Variants in MORN1 observed in about 807,000 individuals in gnomAD.
MORN1 encodes MORN repeat-containing protein 1.
A neutral mutation model predicts 61.9 loss-of-function variants in MORN1; 67 were observed. That is an observed-to-expected ratio of 1.08 (90% CI 0.89 to 1.33). The LOEUF is 1.33. Ranked by LOEUF, MORN1 falls within the 40% of genes most tolerant of loss-of-function variation. MORN1 has a pLI of 0.00. For missense variants in MORN1, 752 were observed against 691.2 expected (o/e 1.09, Z -0.99); for synonymous variants, 301 against 292.0 (o/e 1.03, Z -0.31).
chr1:2,323,579 A>G (rs760432475), intron 13 of MORN1: 2 of 985,016 alleles, frequency 2.0e-6, no homozygotes, highest in Non-Finnish European at 2.4e-6. Flanking sequence ...GGGCGACTGG[A>G]GGAGGCCCCA....
Position 2,387,534 on chromosome 1 carries a change from A to G in MORN1, c.248-5T>C, listed in dbSNP as rs775577999. 2 of 1,602,178 alleles carry G rather than the reference A, an allele frequency of 1.2e-6. No individual in the cohort carries two copies. Among genetic ancestry groups the G allele is most frequent in the Middle Eastern group, 3.3e-4 (2 of 6,050 alleles). On this transcript the variant is annotated splice_region_variant and splice_polypyrimidine_tract_variant and intron_variant, in intron 3 of 13. Transcript: ENST00000378531. ...ACTGTCCAGAGAAGGTGTCTCCTGC[A>G]TGTGGACAAGGAGGAGGGGAGACAG...
chr1:2,372,421 G>A lies in MORN1; in HGVS notation c.745+60C>T, dbSNP rs965272981. Reference sequence around the variant, plus strand: ...TCTCGTCCGCATCTTCACTGCTTAAGAACCTGCTGCCTGTTTCTCTTTTGG... The same window carrying A: ...TCTCGTCCGCATCTTCACTGCTTAAAAACCTGCTGCCTGTTTCTCTTTTGG... On this transcript the variant is annotated intron_variant, in intron 8 of 13. Coordinates refer to ENST00000378531, the MANE Select transcript of MORN1 (RefSeq NM_024848.3). The surrounding 1 kb of genome is among the most constrained non-coding windows in gnomAD (Gnocchi z 5.4). 2.0e-5 allele frequency: 27 copies of A among 1,348,126 alleles called. 1 individual carries two copies. The Admixed American group carries it at 4.5e-4, about 22-fold the overall frequency. 83.5% of individuals were successfully genotyped at this position (1,348,126 alleles called of 1,614,324 possible).
chr1:2,339,398 C>T (rs995214505), intron 10 of MORN1, among the ~76,000 whole-genome samples: 6 of 152,222 alleles, frequency 3.9e-5, no homozygotes, highest in Non-Finnish European at 5.9e-5. Flanking sequence ...CTCCCTGAGT[C>T]GGGGCTGCAG....
intron 5 of MORN1, chr1:2,385,298 C>T: frequency 3.5e-6 from 2 of 572,392 alleles, no homozygotes; most frequent in Non-Finnish European, 6.2e-6. Flanking sequence ...GCTCGGGACG[C>T]ACTCAGCTTC....
chr1:2,336,965 G>T, intron 10 of MORN1, 115 bp from the exon 11 acceptor site: 1 of 1,202,998 alleles, frequency 8.3e-7, no homozygotes, highest in Non-Finnish European at 1.1e-6. Context: ...ACAGACGCCA[G>T]TCGCGATGCC....
At chr1:2,327,437 G>GACGCAGAAACACAGCAACACAA (rs1219858961) in intron 12 of MORN1, among the ~76,000 whole-genome samples, 1 of 148,112 alleles carries the variant, frequency 6.8e-6, no homozygotes, top group Non-Finnish European at 1.5e-5. Flanking sequence ...GAAACACAGC[G>GACGCAGAAACACAGCAACACAA]ACGCAGAAAC....
intron 6 of MORN1, among the ~76,000 whole-genome samples, chr1:2,383,301 G>A (rs1642413264): frequency 1.3e-5 from 2 of 152,220 alleles, no homozygotes; most frequent in African/African-American, 2.4e-5. Context: ...GAACACCCCA[G>A]AGTCTGGTCT....
chr1:2,391,335 C>T (rs1035008331), intron 1 of MORN1, 123 bp downstream of exon 1: 45 of 1,147,166 alleles, frequency 3.9e-5, no homozygotes, highest in Non-Finnish European at 4.7e-5. Context: ...GCCCTGGCTC[C>T]GCCGCGGCAC....
chr1:2,327,850 G>C (rs1053383294), intron 12 of MORN1, among the ~76,000 whole-genome samples: 1 of 152,274 alleles, frequency 6.6e-6, no homozygotes, highest in Non-Finnish European at 1.5e-5. Context: ...GGTGAGGGCC[G>C]CTTTCCCAAG....
rs990683925 is a variant in MORN1 at position 2,334,572 on chromosome 1, C to T, written c.1250+1897G>A. On this transcript the variant is annotated intron_variant, in intron 12 of 13. Transcript: ENST00000378531. This position sits in a 1 kb window ranked among gnomAD's most constrained non-coding sequence, Gnocchi z 5.4. ...TTTTGGGCTGCCTGTCCCAACACGA[C>T]GAGAGGGCCCTGGCTGTGTGGCCGT... Among the ~76,000 whole-genome samples, 3 of 152,024 alleles carry T rather than the reference C, an allele frequency of 2.0e-5. No homozygotes were observed. Among genetic ancestry groups the T allele is most frequent in the African/African-American group, 4.8e-5 (2 of 41,368 alleles).
chr1:2,379,921 C>G (rs1191767941), intron 6 of MORN1, among the ~76,000 whole-genome samples: 1 of 152,200 alleles, frequency 6.6e-6, no homozygotes, highest in East Asian at 1.9e-4. Context: ...GAAGAGTTCT[C>G]TGTGCAGCCG....
At position 2,389,936 on chromosome 1, in the gene MORN1, C is replaced by G. The variant is rs200395000; in HGVS notation, c.137G>C (p.Gly46Ala). 2 of 1,613,964 alleles carry G rather than the reference C, an allele frequency of 1.2e-6. No individual in the cohort carries two copies. Among genetic ancestry groups the G allele is most frequent in the Non-Finnish European group, 1.7e-6 (2 of 1,179,970 alleles). ...FFRYEGEWKA[G>A]RKHGHGKLLF... ...CAGATGCTTCTCACCGTGCTTCCTC[C>G]CTGCTTTCCATTCTCCTTCATATCG... The change falls in exon 2 of 14, where the codon GGG becomes GCG. Residue 46 changes from glycine to alanine, a missense_variant. Gly to Ala is a moderately conservative substitution (Grantham distance 60). Coordinates refer to ENST00000378531, the MANE Select transcript of MORN1 (RefSeq NM_024848.3).
chr1:2,337,238 C>T lies in MORN1; in HGVS notation c.1037-388G>A, dbSNP rs529410647. 7.9e-5 allele frequency among the ~76,000 whole-genome samples: 12 copies of T among 152,322 alleles called. No individual in the cohort carries two copies. Among genetic ancestry groups the T allele is most frequent in the Middle Eastern group, 3.4e-3 (1 of 294 alleles). On this transcript the variant is annotated intron_variant, in intron 10 of 13. Coordinates refer to ENST00000378531, the MANE Select transcript of MORN1 (RefSeq NM_024848.3). The surrounding 1 kb of genome is among the most constrained non-coding windows in gnomAD (Gnocchi z 5.7). Reference sequence around the variant, plus strand: ...GAGAGGCTGGCGCTCAACAGTACAGCTGTGTGCCCTCCTCGGAGCGCAGCA... The same window carrying T: ...GAGAGGCTGGCGCTCAACAGTACAGTTGTGTGCCCTCCTCGGAGCGCAGCA...
intron 8 of MORN1, among the ~76,000 whole-genome samples, chr1:2,369,903 TGGACATTCTCTCCAGA>T (rs1486995204): frequency 6.6e-6 from 1 of 152,230 alleles, no homozygotes; most frequent in Admixed American, 6.5e-5. Context: ...AGATTTCATC[TGGACATTCTCTCCAGA>T]GGGGTTCAAC....
chr1:2,328,610 C>T (rs1186647013), intron 12 of MORN1, among the ~76,000 whole-genome samples: 2 of 152,314 alleles, frequency 1.3e-5, no homozygotes, highest in African/African-American at 4.8e-5. Context: ...TCTGCAGCCC[C>T]GGGAGCCCCT....
At chr1:2,378,669 T>A (rs1482118489) in intron 6 of MORN1, 3 of 302,276 alleles carry the variant, frequency 9.9e-6, no homozygotes, top group Non-Finnish European at 2.0e-5. Flanking sequence ...GCTGCCAACA[T>A]GGGTAGGAGA....
chr1:2,321,322 G>T lies in MORN1; in HGVS notation c.*61C>A. ...CTGGAGAATCGGGGAGCAGAGTCAC[G>T]CAAGCAGAGGCAGCGTTTCCTTCCA... On this transcript the variant is annotated 3_prime_UTR_variant, in exon 14 of 14. Coordinates refer to ENST00000378531, the MANE Select transcript of MORN1 (RefSeq NM_024848.3). 8.1e-7 allele frequency: 1 copy of T among 1,238,308 alleles called. No homozygotes were observed. The highest frequency in any genetic ancestry group is 1.1e-6 in the Non-Finnish European group (1 of 917,418). 76.7% of individuals were successfully genotyped at this position (1,238,308 alleles called of 1,614,324 possible).
chr1:2,353,673 G>GCC (rs1641700353), intron 10 of MORN1, among the ~76,000 whole-genome samples: 1 of 152,232 alleles, frequency 6.6e-6, no homozygotes, highest in African/African-American at 2.4e-5. Context: ...CAGGGCTCCT[G>GCC]GCCGGAGTCC....
intron 12 of MORN1, among the ~76,000 whole-genome samples, chr1:2,336,026 C>T (rs1250004297): frequency 3.9e-5 from 6 of 152,178 alleles, no homozygotes; most frequent in Non-Finnish European, 5.9e-5. Flanking sequence ...AAACCCCCCA[C>T]GGTGTCCCCG....
Sources: gnomAD v4.1 joint callset for allele counts (sites outside exome capture counted in the v4.1 genomes callset) on GRCh38, gnomAD v4.1.1 for gene constraint, Gnocchi (gnomAD v3.1) non-coding constraint, MANE v1.5 for transcripts, NCBI Gene and HGNC (gene_info 2026-07-23, HGNC 2026-07-21) for gene names.